The following STAB2 variants were observed in gnomAD, a reference collection of about 807,000 sequenced individuals.
STAB2 encodes stabilin-2.
Under a neutral mutation model 338.1 loss-of-function variants are expected in STAB2, and 288 were observed. The ratio of observed to expected loss-of-function variants is 0.85; its 90% confidence interval spans 0.77 to 0.94. The LOEUF (loss-of-function observed/expected upper bound fraction) is 0.94. Ranked by LOEUF, STAB2 falls within the 40% of genes least tolerant of loss-of-function variation. The pLI is 0.00. For missense variants in STAB2, 3,141 were observed against 3,210.1 expected (o/e 0.98, Z 0.52); for synonymous variants, 1,202 against 1,193.3 (o/e 1.01, Z -0.15).
intron 36 of STAB2, 75 bp from the exon 37 acceptor site, chr12:103,705,557 C>G: frequency 2.4e-6 from 3 of 1,242,438 alleles, no homozygotes; most frequent in Non-Finnish European, 3.5e-6. Context: ...CAATGCATCA[C>G]CCACCTACTT....
chr12:103,608,389 G>A lies in STAB2; in HGVS notation c.332-12079G>A, dbSNP rs537937795. The stretch of plus-strand genomic sequence containing the variant: ...AATCTCCTGACCTCGTGATCCGCCC[G>A]CCTCCGCCTCCCAAAGTGCTGGGAT... On this transcript the variant is annotated intron_variant, in intron 3 of 68. Coordinates refer to ENST00000388887, the MANE Select transcript of STAB2 (RefSeq NM_017564.10). 4.1e-4 allele frequency among the ~76,000 whole-genome samples: 62 copies of A among 152,164 alleles called. 1 individual carries two copies. The South Asian group carries it at 0.011, about 28-fold the overall frequency.
At position 103,652,549 on chromosome 12, in the gene STAB2, C is replaced by G. The variant is rs2138734415; in HGVS notation, c.1258-7C>G. The G allele has an allele frequency of 6.4e-7, 1 of 1,558,972 alleles. No individual in the cohort carries two copies. Among genetic ancestry groups the G allele is most frequent in the Non-Finnish European group, 8.7e-7 (1 of 1,154,934 alleles). The stretch of plus-strand genomic sequence containing the variant: ...AAATAATAGTAAAATTGGCTCTTCT[C>G]TCTTAGGTAAATGAGCTTTTGGTGG... On this transcript the variant is annotated splice_region_variant and splice_polypyrimidine_tract_variant and intron_variant, in intron 11 of 68. Transcript: ENST00000388887.
At chr12:103,665,643 A>T (rs1193842769) in intron 18 of STAB2, among the ~76,000 whole-genome samples, 1 of 152,130 alleles carries the variant, frequency 6.6e-6, no homozygotes, top group Non-Finnish European at 1.5e-5. Flanking sequence ...TTGTCCTCCT[A>T]CCCACCAAAA....
chr12:103,652,030 AC>A (rs1873782195), intron 11 of STAB2, among the ~76,000 whole-genome samples: 1 of 152,258 alleles, frequency 6.6e-6, no homozygotes, highest in African/African-American at 2.4e-5. Context: ...CACATAGTTT[AC>A]ACAGAGTTAA....
chr12:103,699,502 A>G (rs571456475), intron 34 of STAB2, among the ~76,000 whole-genome samples: 2 of 152,212 alleles, frequency 1.3e-5, no homozygotes, highest in African/African-American at 2.4e-5. Flanking sequence ...CAGCTCGTGC[A>G]GGAAACTCCC....
intron 5 of STAB2, among the ~76,000 whole-genome samples, chr12:103,623,606 ACATGTT>A (rs1413113504): frequency 6.6e-6 from 1 of 152,144 alleles, no homozygotes; most frequent in African/African-American, 2.4e-5. Context: ...AGGCAAGGAA[ACATGTT>A]CTCCCCAGAG....
chr12:103,656,788 G>A (rs1480913768), intron 15 of STAB2, among the ~76,000 whole-genome samples: 2 of 147,996 alleles, frequency 1.4e-5, no homozygotes, highest in Admixed American at 6.9e-5. Flanking sequence ...CCGGGTTCAC[G>A]CCATTCTCCT....
intron 60 of STAB2, among the ~76,000 whole-genome samples, chr12:103,752,914 GA>G (rs1883792073): frequency 6.6e-6 from 1 of 152,090 alleles, no homozygotes; most frequent in African/African-American, 2.4e-5. Flanking sequence ...ATTCTAGAAG[GA>G]AATGCACCAA....
At chr12:103,671,998 C>A (rs1863877) in intron 22 of STAB2, among the ~76,000 whole-genome samples, 10 of 152,002 alleles carry the variant, frequency 6.6e-5, no homozygotes, top group Non-Finnish European at 1.0e-4. Flanking sequence ...ATTTCTTCAC[C>A]TATAAAATGA....
At chr12:103,610,446 T>G (rs1957104231) in intron 3 of STAB2, among the ~76,000 whole-genome samples, 3 of 152,228 alleles carry the variant, frequency 2.0e-5, no homozygotes, top group Middle Eastern at 3.2e-3. Context: ...ATTTATCCAT[T>G]TCTTCTAGAT....
At chr12:103,717,037 G>A (rs1201774866) in intron 43 of STAB2, among the ~76,000 whole-genome samples, 1 of 152,206 alleles carries the variant, frequency 6.6e-6, no homozygotes, top group Non-Finnish European at 1.5e-5. Context: ...AGAAGCAGAC[G>A]TCAACCCAGG....
At chr12:103,684,794 C>T (rs748610231) in intron 26 of STAB2, among the ~76,000 whole-genome samples, 195 bp from the exon 27 acceptor site, 5 of 152,138 alleles carry the variant, frequency 3.3e-5, no homozygotes, top group East Asian at 1.9e-4. Context: ...AATAAATAAT[C>T]GTGATTAATA....
At chr12:103,654,907 G>A (rs1874066086) in intron 13 of STAB2, 1 of 609,422 alleles carries the variant, frequency 1.6e-6, no homozygotes, top group Non-Finnish European at 2.6e-6. Context: ...ACATATGTGG[G>A]AAAGATCTGG....
At chr12:103,687,004 CTTT>C (rs922362126) in intron 27 of STAB2, among the ~76,000 whole-genome samples, 5 of 152,228 alleles carry the variant, frequency 3.3e-5, no homozygotes, top group South Asian at 2.1e-4. Context: ...TGCTAACTTA[CTTT>C]TTTAACATGT....
At position 103,735,596 on chromosome 12, in the gene STAB2, A is replaced by T; in HGVS notation, c.5550+16A>T. On this transcript the variant is annotated intron_variant, in intron 52 of 68. Coordinates refer to ENST00000388887, the MANE Select transcript of STAB2 (RefSeq NM_017564.10). ...CAGGGACATCGTGAGTATCATCATG[A>T]AGGGTGGGCAGGGAGGGGTTAACAC... 9.1e-7 allele frequency: 1 copy of T among 1,098,918 alleles called. No homozygotes were observed. The highest frequency in any genetic ancestry group is 1.3e-6 in the Non-Finnish European group (1 of 752,738). 68.1% of individuals were successfully genotyped at this position (1,098,918 alleles called of 1,614,324 possible). A position where few individuals can be genotyped will look rare whatever the true frequency, so the allele number is the denominator to read the frequency against.
chr12:103,719,833 C>T (rs1566045552), intron 44 of STAB2, among the ~76,000 whole-genome samples: 2 of 152,210 alleles, frequency 1.3e-5, no homozygotes, highest in African/African-American at 2.4e-5. Flanking sequence ...TGTGGCATGG[C>T]CAGCACTTGA....
chr12:103,617,287 G>A (rs558609651), intron 3 of STAB2, among the ~76,000 whole-genome samples: 1 of 152,148 alleles, frequency 6.6e-6, no homozygotes, highest in African/African-American at 2.4e-5. Flanking sequence ...ATGCTCACTG[G>A]TAAATATCAA....
At chr12:103,612,321 C>G (rs1378692957) in intron 3 of STAB2, among the ~76,000 whole-genome samples, 2 of 152,220 alleles carry the variant, frequency 1.3e-5, no homozygotes, top group African/African-American at 4.8e-5. Flanking sequence ...TTCAGGTACA[C>G]CAATCAGACG....
intron 5 of STAB2, among the ~76,000 whole-genome samples, chr12:103,623,350 C>T (rs1215721930): frequency 6.6e-6 from 1 of 152,110 alleles, no homozygotes; most frequent in African/African-American, 2.4e-5. Context: ...CCTTACATGG[C>T]AAAGAGAAGT....
Sources: gnomAD v4.1 joint callset for allele counts (sites outside exome capture counted in the v4.1 genomes callset) on GRCh38, gnomAD v4.1.1 for gene constraint, MANE v1.5 for transcripts, NCBI Gene and HGNC (gene_info 2026-07-23, HGNC 2026-07-21) for gene names.